The following MFN2 variants were observed in gnomAD, a reference collection of about 807,000 sequenced individuals.
The protein encoded by MFN2 is mitofusin-2.
MFN2 carries 43 observed loss-of-function variants against 87.5 expected under a neutral mutation model. The observed-to-expected ratio is 0.49, with a 90% CI of 0.38 to 0.63. The LOEUF (loss-of-function observed/expected upper bound fraction) is 0.63, where lower values mean the gene tolerates loss of function less well. Ranked by LOEUF, MFN2 falls within the 30% of genes least tolerant of loss-of-function variation. The pLI is 0.00. For missense variants in MFN2, 743 were observed against 972.8 expected (o/e 0.76, Z 3.14); for synonymous variants, 337 against 359.9 (o/e 0.94, Z 0.72).
At position 12,007,114 on chromosome 1, in the gene MFN2, A is replaced by G; in HGVS notation, c.1934A>G (p.Tyr645Cys). Residue 645 changes from tyrosine to cysteine, a missense_variant, in exon 17 of 19, where the codon TAC becomes TGC. Physicochemically the swap from Tyr to Cys is radical, Grantham distance 194. Around this residue, in one of 3 missense-constraint regions of MFN2, gnomAD observed 571 missense variants for 670.7 expected, o/e 0.85. Transcript: ENST00000235329. Reference protein sequence around the residue: ...ALSFGLYGLLYVYERLTWTTK... With the variant: ...ALSFGLYGLLCVYERLTWTTK... ...TCCTTTGGGCTCTATGGCCTCCTCT[A>G]CGTCTATGAGCGTCTGACCTGGACC... 6.2e-7 allele frequency: 1 copy of G among 1,614,136 alleles called. No individual in the cohort carries two copies. The highest frequency in any genetic ancestry group is 8.5e-7 in the Non-Finnish European group (1 of 1,180,014).
intron 3 of MFN2, among the ~76,000 whole-genome samples, chr1:11,989,597 A>G (rs888479575): frequency 2.6e-5 from 4 of 152,176 alleles, no homozygotes; most frequent in Admixed American, 2.0e-4. Flanking sequence ...AGATAGGTGA[A>G]TCTTATCCCC....
At position 12,011,687 on chromosome 1, in the gene MFN2, C is replaced by T. The variant is rs1048870606; in HGVS notation, c.*122C>T. 5.9e-6 allele frequency: 6 copies of T among 1,017,252 alleles called. No individual in the cohort carries two copies. Among genetic ancestry groups the T allele is most frequent in the South Asian group, 5.2e-5 (4 of 76,338 alleles). The allele number at this position is 1,017,252 out of a possible 1,614,324, so 63.0% of individuals were successfully genotyped here. On this transcript the variant is annotated 3_prime_UTR_variant, in exon 19 of 19. Transcript: ENST00000235329. ...TGGCCACTGCCAAGAGAATGAAGCA[C>T]CCAGTCTCGTACCATTTTGAGCCCT...
intron 3 of MFN2, 119 bp downstream of exon 3, chr1:11,989,462 G>A: frequency 8.8e-7 from 1 of 1,141,514 alleles, no homozygotes; most frequent in South Asian, 1.5e-5. Flanking sequence ...GATAGCCTTA[G>A]AAATGCTCTG....
chr1:11,999,656 C>A (rs1308165578), intron 8 of MFN2, among the ~76,000 whole-genome samples: 1 of 151,832 alleles, frequency 6.6e-6, no homozygotes, highest in Non-Finnish European at 1.5e-5. Flanking sequence ...CCACGCCTGG[C>A]CTCACAACTC....
Position 12,007,240 on chromosome 1 carries a change from A to G in MFN2, c.2060A>G (p.Gln687Arg), listed in dbSNP as rs879253910. ...ISYTGSNCSH[Q>R]VQQELSGTFA... ...TACACTGGCTCCAACTGCAGCCACC[A>G]AGTCCAGCAGTGAGTGGCCCTGTCG... The change falls in exon 17 of 19, where the codon CAA (glutamine) becomes CGA (arginine). Residue 687 changes from glutamine to arginine, a missense_variant. Around this residue, in one of 3 missense-constraint regions of MFN2, gnomAD observed 571 missense variants for 670.7 expected, o/e 0.85. Coordinates refer to ENST00000235329, the MANE Select transcript of MFN2 (RefSeq NM_014874.4). 1.3e-5 allele frequency: 21 copies of G among 1,613,858 alleles called. No homozygotes were observed. The highest frequency in any genetic ancestry group is 1.7e-5 in the Non-Finnish European group (20 of 1,179,998).
rs1163501771 is a variant in MFN2, at chr1:12,004,893, C to T, written c.1461C>T (p.Thr487=). The stretch of plus-strand genomic sequence containing the variant: ...CTGACCGCTGCTCCACGGCCATCAC[C>T]AACTCCCTGCAGACCATGCAGCAGG... ...NMSDRCSTAI[T]NSLQTMQQDM... is the part of the protein sequence containing the mutation. The change falls in exon 14 of 19, where the codon ACC becomes ACT. Residue 487 remains threonine, a synonymous_variant. Transcript: ENST00000235329. This position sits in a 1 kb window ranked among gnomAD's most constrained non-coding sequence, Gnocchi z 4.2. 6.2e-7 allele frequency: 1 copy of T among 1,612,950 alleles called. No homozygotes were observed. The highest frequency in any genetic ancestry group is 1.1e-5 in the South Asian group (1 of 90,770).
In MFN2 at chr1:12,004,147, A is replaced by G. The variant is rs1569860400; in HGVS notation, c.1287+29A>G. ...AGAAATGAGGAGGAGGCATTCTGGG[A>G]AGATTTGGACTCCGAGTAGAGTCCA... On this transcript the variant is annotated intron_variant, in intron 12 of 18. Coordinates refer to ENST00000235329, the MANE Select transcript of MFN2 (RefSeq NM_014874.4). The surrounding 1 kb of genome is among the most constrained non-coding windows in gnomAD (Gnocchi z 4.2). The G allele has an allele frequency of 6.2e-7, 1 of 1,613,350 alleles. No homozygotes were observed. The highest frequency in any genetic ancestry group is 8.5e-7 in the Non-Finnish European group (1 of 1,179,978).
Position 11,998,788 on chromosome 1 carries a change from C to T in MFN2, c.618C>T (p.Thr206=). 1 of 1,614,160 alleles carries T rather than the reference C, an allele frequency of 6.2e-7. No individual in the cohort carries two copies. Residue 206 remains threonine, a synonymous_variant, in exon 7 of 19, where the codon ACC becomes ACT. Coordinates refer to ENST00000235329, the MANE Select transcript of MFN2 (RefSeq NM_014874.4). ...VLMDSPGIDV[T]TELDSWIDKF... The stretch of plus-strand genomic sequence containing the variant: ...CCTTTAGCCCTGGTATTGATGTCAC[C>T]ACAGAGCTGGACAGCTGGATTGACA...
rs970756307 is a variant in MFN2, at chr1:12,005,569, C to T, written c.1496-142C>T. 1.4e-5 allele frequency: 12 copies of T among 886,272 alleles called. No homozygotes were observed. In the African/African-American group the frequency reaches 1.8e-4, roughly 13 times the overall value. The allele number at this position is 886,272 out of a possible 1,614,324, so 54.9% of individuals were successfully genotyped here. On this transcript the variant is annotated intron_variant, in intron 14 of 18. Transcript: ENST00000235329. ...AGTGAGGCATGCTCAGTCTCACGGG[C>T]CAACTTGACTGGGGTGTGGTTCCCA... is the stretch of plus-strand genomic sequence containing the variant.
In MFN2 at chr1:12,004,711, A is replaced by C. The variant is rs369656161; in HGVS notation, c.1392+98A>C. On this transcript the variant is annotated intron_variant, in intron 13 of 18. Coordinates refer to ENST00000235329, the MANE Select transcript of MFN2 (RefSeq NM_014874.4). This position sits in a 1 kb window ranked among gnomAD's most constrained non-coding sequence, Gnocchi z 4.2. ...AGGGCCCCCCAGCAGTGACAGTAGA[A>C]GCCACAGAGACAAGGCCCAGGCTTC... The C allele has an allele frequency of 4.1e-3, 6,192 of 1,494,928 alleles. 262 individuals are homozygous for C. The South Asian group carries it at 0.066, about 16-fold the overall frequency. The allele number at this position is 1,494,928 out of a possible 1,614,324, so 92.6% of individuals were successfully genotyped here. A position where few individuals can be genotyped will look rare whatever the true frequency, so the allele number is the denominator to read the frequency against.
rs1320374657 is a variant in MFN2 at position 12,004,885 on chromosome 1, G to A, written c.1453G>A (p.Ala485Thr). 6 of 1,613,270 alleles carry A rather than the reference G, an allele frequency of 3.7e-6. No individual in the cohort carries two copies. Among genetic ancestry groups the A allele is most frequent in the Non-Finnish European group, 5.1e-6 (6 of 1,179,688 alleles). ...GRNMSDRCST[A>T]ITNSLQTMQQ... is the part of the protein sequence containing the mutation. ...AAACATGTCTGACCGCTGCTCCACG[G>A]CCATCACCAACTCCCTGCAGACCAT... The change falls in exon 14 of 19, where the codon GCC (alanine) becomes ACC (threonine). Residue 485 changes from alanine (A) to threonine (T), a missense_variant. Ala to Thr is a moderately conservative substitution (Grantham distance 58). Around this residue, in one of 3 missense-constraint regions of MFN2, gnomAD observed 571 missense variants for 670.7 expected, o/e 0.85. Coordinates refer to ENST00000235329, the MANE Select transcript of MFN2 (RefSeq NM_014874.4). The surrounding 1 kb of genome is among the most constrained non-coding windows in gnomAD (Gnocchi z 4.2).
chr1:12,005,788 A>G lies in MFN2; in HGVS notation c.1573A>G (p.Asn525Asp). ...MLVPRQCFSL[N>D]YDLNCDKLCA... Reference sequence around the variant, plus strand: ...GGTCCCACGCCAGTGCTTCTCCCTCAACTATGACCTAAACTGTGACAAGCT... The same window carrying G: ...GGTCCCACGCCAGTGCTTCTCCCTCGACTATGACCTAAACTGTGACAAGCT... Residue 525 changes from asparagine (N) to aspartate (D), a missense_variant, in exon 15 of 19, where the codon AAC (asparagine) becomes GAC (aspartate). Transcript: ENST00000235329. 2 of 1,614,128 alleles carry G rather than the reference A, an allele frequency of 1.2e-6. No homozygotes were observed. Among genetic ancestry groups the G allele is most frequent in the Non-Finnish European group, 1.7e-6 (2 of 1,180,020 alleles).
chr1:11,983,081 G>A (rs1646015080), intron 2 of MFN2, among the ~76,000 whole-genome samples: 1 of 152,050 alleles, frequency 6.6e-6, no homozygotes, highest in South Asian at 2.1e-4. Context: ...TTTTGAGACA[G>A]AGTCTTGCTC....
chr1:11,989,142 G>T, intron 2 of MFN2, 23 bp from the exon 3 acceptor site: 1 of 1,613,132 alleles, frequency 6.2e-7, no homozygotes, highest in South Asian at 1.1e-5. Flanking sequence ...TGCTGGGTTC[G>T]CTCACGTTAG....
rs1405631056 is a variant in MFN2, at chr1:12,004,841, T to C, written c.1409T>C (p.Ile470Thr). Reference sequence around the variant, plus strand: ...TGGTGGCAGGAGCTGCACCGCCACATAGAGGAAGGACTGGGTCGAAACATG... The same window carrying C: ...TGGTGGCAGGAGCTGCACCGCCACACAGAGGAAGGACTGGGTCGAAACATG... ...KVYKNELHRH[I>T]EEGLGRNMSD... is the part of the protein sequence containing the mutation. The change falls in exon 14 of 19, where the codon ATA (isoleucine) becomes ACA (threonine). Residue 470 changes from isoleucine (I) to threonine (T), a missense_variant. Around this residue, in one of 3 missense-constraint regions of MFN2, gnomAD observed 571 missense variants for 670.7 expected, o/e 0.85. Coordinates refer to ENST00000235329, the MANE Select transcript of MFN2 (RefSeq NM_014874.4). The surrounding 1 kb of genome is among the most constrained non-coding windows in gnomAD (Gnocchi z 4.2). The C allele has an allele frequency of 6.2e-7, 1 of 1,613,834 alleles. No individual in the cohort carries two copies. The highest frequency in any genetic ancestry group is 1.3e-5 in the African/African-American group (1 of 74,918).
intron 17 of MFN2, among the ~76,000 whole-genome samples, chr1:12,008,814 G>T (rs1004047723): frequency 6.6e-6 from 1 of 152,250 alleles, no homozygotes; most frequent in Non-Finnish European, 1.5e-5. Flanking sequence ...GTGGCGGCCG[G>T]GCAGAGGCTG....
chr1:11,982,001 A>G lies in MFN2; in HGVS notation c.-118A>G, dbSNP rs1645995663. On this transcript the variant is annotated 5_prime_UTR_variant, in exon 2 of 19. Transcript: ENST00000235329. ...CTGGTGGAGTCAACACAGTCAATCAATAGCCAACCTCAACCTGAGACAGGA... is the reference window on the plus strand; with the variant it reads ...CTGGTGGAGTCAACACAGTCAATCAGTAGCCAACCTCAACCTGAGACAGGA... 1 of 150,392 alleles carries G rather than the reference A, an allele frequency of 6.6e-6. No individual in the cohort carries two copies. The highest frequency in any genetic ancestry group is 2.5e-5 in the African/African-American group (1 of 40,652). 9.3% of individuals were successfully genotyped at this position (150,392 alleles called of 1,614,324 possible). A position where few individuals can be genotyped will look rare whatever the true frequency, so the allele number is the denominator to read the frequency against.
Position 12,013,408 on chromosome 1 carries a change from T to C in MFN2, c.*1843T>C, listed in dbSNP as rs1041766965. 40 of 470,796 alleles carry C rather than the reference T, an allele frequency of 8.5e-5. No individual in the cohort carries two copies. Among genetic ancestry groups the C allele is most frequent in the Non-Finnish European group, 1.7e-4 (38 of 226,934 alleles). 29.2% of individuals were successfully genotyped at this position (470,796 alleles called of 1,614,324 possible). A position where few individuals can be genotyped will look rare whatever the true frequency, so the allele number is the denominator to read the frequency against. On this transcript the variant is annotated 3_prime_UTR_variant, in exon 19 of 19. Transcript: ENST00000235329. ...TGGAGCGCAAGACGTGCTGACACAG[T>C]GAGTTTTCTCTGATGTATTTAAGGT...
At chr1:12,001,722 C>CAA (rs746271546) in intron 9 of MFN2, 47 bp from the exon 10 acceptor site, 1 of 1,611,138 alleles carries the variant, frequency 6.2e-7, no homozygotes, top group Non-Finnish European at 8.5e-7. Flanking sequence ...CATCGTTTTC[C>CAA]TCTGCTGCCA....
Sources: gnomAD v4.1 joint callset for allele counts (sites outside exome capture counted in the v4.1 genomes callset) on GRCh38, gnomAD v4.1.1 for gene constraint, gnomAD v4.1.1 regional missense constraint, Gnocchi (gnomAD v3.1) non-coding constraint, MANE v1.5 for transcripts, NCBI Gene and HGNC (gene_info 2026-07-23, HGNC 2026-07-21) for gene names.